The following NR5A2 variants were observed in gnomAD, a reference collection of about 807,000 sequenced individuals.
NR5A2 encodes nuclear receptor subfamily 5 group A member 2, also known as CYP7A promoter-binding factor.
NR5A2 carries 26 observed loss-of-function variants against 62.7 expected under a neutral mutation model. The ratio of observed to expected loss-of-function variants is 0.41; its 90% CI spans 0.30 to 0.58. The LOEUF (loss-of-function observed/expected upper bound fraction) is 0.58. Ranked by LOEUF, NR5A2 falls within the 20% of genes least tolerant of loss-of-function variation. The pLI is 0.22. For missense variants in NR5A2, 541 were observed against 669.1 expected, an observed-to-expected ratio of 0.81 and a Z score of 2.11; for synonymous variants, 246 against 241.7, an observed-to-expected ratio of 1.02 and a Z score of -0.16.
At chr1:200,157,414 G>A (rs1653437910) in intron 7 of NR5A2, among the ~76,000 whole-genome samples, 1 of 152,054 alleles carries the variant, frequency 6.6e-6, no homozygotes, top group Non-Finnish European at 1.5e-5. Flanking sequence ...GCAAACCTTA[G>A]AATTGAGCAT....
chr1:200,123,428 C>G (rs1015429170), intron 7 of NR5A2, among the ~76,000 whole-genome samples: 5 of 152,138 alleles, frequency 3.3e-5, no homozygotes, highest in African/African-American at 1.2e-4. Flanking sequence ...TTGAGGGAAG[C>G]AGCAGATGTG....
intron 7 of NR5A2, among the ~76,000 whole-genome samples, chr1:200,132,672 TA>T (rs1333183079): frequency 1.2e-4 from 19 of 152,282 alleles, no homozygotes; most frequent in African/African-American, 4.6e-4. Flanking sequence ...CCAGGCAAAC[TA>T]GGAATAACCA....
intron 6 of NR5A2, among the ~76,000 whole-genome samples, chr1:200,117,000 A>G (rs553067435): frequency 8.5e-5 from 13 of 152,214 alleles, no homozygotes; most frequent in African/African-American, 3.1e-4. Context: ...GGCATCTTAT[A>G]ATATACAAGT....
At chr1:200,031,570 CCTT>C (rs1661551335) in intron 1 of NR5A2, among the ~76,000 whole-genome samples, 1 of 141,286 alleles carries the variant, frequency 7.1e-6, no homozygotes, top group African/African-American at 2.8e-5. Context: ...TTCTTTAACA[CCTT>C]TTTTTTTTTT....
rs112349501 is a variant in NR5A2, at chr1:200,160,066, G to C, written c.1379-13897G>C. Among the ~76,000 whole-genome samples the C allele has an allele frequency of 4.9e-3, 750 of 152,264 alleles. 13 individuals carry two copies. The highest frequency in any genetic ancestry group is 0.017 in the African/African-American group (705 of 41,552). On this transcript the variant is annotated intron_variant, in intron 7 of 7. Transcript: ENST00000367362. Reference sequence around the variant, plus strand: ...TCCCTTTTCTGCGTGAGCTGGTATCGCTTGCTACCCTCTAAGACCTAGGGG... The same window carrying C: ...TCCCTTTTCTGCGTGAGCTGGTATCCCTTGCTACCCTCTAAGACCTAGGGG...
At chr1:200,132,889 C>T (rs1667026788) in intron 7 of NR5A2, among the ~76,000 whole-genome samples, 1 of 152,178 alleles carries the variant, frequency 6.6e-6, no homozygotes, top group Non-Finnish European at 1.5e-5. Flanking sequence ...GGCCTCAGCC[C>T]TGGAGGAACT....
intron 5 of NR5A2, among the ~76,000 whole-genome samples, chr1:200,068,938 A>C (rs1170045729): frequency 6.6e-6 from 1 of 152,222 alleles, no homozygotes; most frequent in Non-Finnish European, 1.5e-5. Flanking sequence ...AGACATCTGT[A>C]GTGAGTTTTT....
At chr1:200,094,304 C>A (rs1664964730) in intron 5 of NR5A2, among the ~76,000 whole-genome samples, 2 of 151,366 alleles carry the variant, frequency 1.3e-5, no homozygotes, top group Admixed American at 6.6e-5. Flanking sequence ...CGTGTCTCAG[C>A]CTCCAGAATA....
chr1:200,099,466 T>C (rs2816996), intron 5 of NR5A2, among the ~76,000 whole-genome samples: 131,113 of 151,996 alleles, frequency 0.86, 56,639 homozygotes, highest in East Asian at 0.97. Flanking sequence ...TTCTTCTTAA[T>C]CCTACTATGC....
intron 5 of NR5A2, among the ~76,000 whole-genome samples, chr1:200,077,425 A>G (rs1664092025): frequency 6.6e-6 from 1 of 152,216 alleles, no homozygotes; most frequent in African/African-American, 2.4e-5. Context: ...CATTAAAACC[A>G]CAATTAGGTT....
chr1:200,095,402 G>A (rs572549587), intron 5 of NR5A2, among the ~76,000 whole-genome samples: 1 of 152,284 alleles, frequency 6.6e-6, no homozygotes, highest in East Asian at 1.9e-4. Flanking sequence ...AGACTTCAGG[G>A]AACAAATATA....
chr1:200,164,920 A>G (rs1653826552), intron 7 of NR5A2, among the ~76,000 whole-genome samples: 1 of 121,632 alleles, frequency 8.2e-6, no homozygotes, highest in Non-Finnish European at 1.6e-5. Context: ...CTTGTCACCC[A>G]GGCTGGAGTG....
intron 7 of NR5A2, among the ~76,000 whole-genome samples, chr1:200,170,190 A>G (rs1654107904): frequency 6.6e-6 from 1 of 152,160 alleles, no homozygotes; most frequent in Non-Finnish European, 1.5e-5. Context: ...CCAAGTTGCC[A>G]GCTACTATCC....
At chr1:200,084,484 T>C (rs1286067046) in intron 5 of NR5A2, among the ~76,000 whole-genome samples, 1 of 152,178 alleles carries the variant, frequency 6.6e-6, no homozygotes, top group Non-Finnish European at 1.5e-5. Context: ...GTTAGTAACT[T>C]TATATAGGTG....
chr1:200,075,917 A>G (rs1362638806), intron 5 of NR5A2, among the ~76,000 whole-genome samples: 1 of 102,432 alleles, frequency 9.8e-6, no homozygotes, highest in Non-Finnish European at 2.1e-5. Flanking sequence ...GTTAAGAAAC[A>G]ATAGTGTTTA....
At chr1:200,055,542 G>A (rs1469410819) in intron 5 of NR5A2, among the ~76,000 whole-genome samples, 3 of 151,998 alleles carry the variant, frequency 2.0e-5, no homozygotes, top group South Asian at 2.1e-4. Context: ...GATCCTGCTC[G>A]GTGTCTACCA....
At chr1:200,093,457 A>G (rs1664913320) in intron 5 of NR5A2, among the ~76,000 whole-genome samples, 1 of 152,168 alleles carries the variant, frequency 6.6e-6, no homozygotes, top group South Asian at 2.1e-4. Context: ...CAAGCCAAAT[A>G]TTTCCAATTT....
chr1:200,121,009 G>T lies in NR5A2; in HGVS notation c.1378+54G>T. On this transcript the variant is annotated intron_variant, in intron 7 of 7. Transcript: ENST00000367362. ...CAACCAACGATTGCTAAATGATGTTGAAGTTCAAATATCTTGTGGTCCATG... is the reference window on the plus strand; with the variant it reads ...CAACCAACGATTGCTAAATGATGTTTAAGTTCAAATATCTTGTGGTCCATG... 10 of 1,592,620 alleles carry T rather than the reference G, an allele frequency of 6.3e-6. No homozygotes were observed. In the South Asian group the frequency reaches 1.1e-4, roughly 18 times the overall value.
intron 7 of NR5A2, among the ~76,000 whole-genome samples, chr1:200,148,925 T>C (rs954480221): frequency 3.0e-4 from 44 of 148,728 alleles, no homozygotes; most frequent in African/African-American, 1.1e-3. Context: ...TTTTTTTTTT[T>C]TCCTTTGAAA....
Sources: gnomAD v4.1 joint callset for allele counts (sites outside exome capture counted in the v4.1 genomes callset) on GRCh38, gnomAD v4.1.1 for gene constraint, MANE v1.5 for transcripts, NCBI Gene and HGNC (gene_info 2026-07-23, HGNC 2026-07-21) for gene names.